The following CTNNA2 variants were observed in gnomAD, a reference collection of about 807,000 sequenced individuals.
CTNNA2 encodes catenin alpha-2.
Under a neutral mutation model 101.0 loss-of-function variants are expected in CTNNA2, and 42 were observed. The ratio of observed to expected loss-of-function variants is 0.42; its 90% CI spans 0.32 to 0.54. The LOEUF (loss-of-function observed/expected upper bound fraction) is 0.54, where lower values mean the gene tolerates loss of function less well. CTNNA2 is among the 20% of genes least tolerant of loss of function. The pLI is 0.14. For missense variants in CTNNA2, 871 were observed against 1,223.1 expected, an observed-to-expected ratio of 0.71 and a Z score of 4.29; for synonymous variants, 450 against 456.4, an observed-to-expected ratio of 0.99 and a Z score of 0.18.
At chr2:80,345,291 C>A (rs1238089497) in intron 7 of CTNNA2, among the ~76,000 whole-genome samples, 1 of 152,176 alleles carries the variant, frequency 6.6e-6, no homozygotes, top group African/African-American at 2.4e-5. Context: ...CCATTCTCAG[C>A]AATGTTCCTG....
chr2:79,730,425 A>G (rs186169382), intron 2 of CTNNA2, among the ~76,000 whole-genome samples: 1 of 152,146 alleles, frequency 6.6e-6, no homozygotes, highest in African/African-American at 2.4e-5. Context: ...TTTTTGGAAA[A>G]AACTGTTTTT....
intron 7 of CTNNA2, among the ~76,000 whole-genome samples, chr2:80,326,228 C>T (rs1286170603): frequency 6.6e-6 from 1 of 152,100 alleles, no homozygotes; most frequent in Non-Finnish European, 1.5e-5. Context: ...TTTACTACCT[C>T]TATATATTTT....
At chr2:80,349,505 C>T (rs1673085946) in intron 7 of CTNNA2, among the ~76,000 whole-genome samples, 1 of 152,098 alleles carries the variant, frequency 6.6e-6, no homozygotes, top group African/African-American at 2.4e-5. Flanking sequence ...TTTCCTGTTA[C>T]AATCACCATG....
chr2:79,661,517 C>G (rs1034724936), intron 2 of CTNNA2, among the ~76,000 whole-genome samples: 2 of 152,168 alleles, frequency 1.3e-5, no homozygotes, highest in Non-Finnish European at 2.9e-5. Flanking sequence ...GGGTTTCCCC[C>G]ACAAGATACT....
At chr2:80,333,222 C>T (rs549979912) in intron 7 of CTNNA2, among the ~76,000 whole-genome samples, 2 of 152,214 alleles carry the variant, frequency 1.3e-5, no homozygotes, top group African/African-American at 4.8e-5. Context: ...ACCTTTCCAC[C>T]GGTCTGTCTA....
intron 9 of CTNNA2, among the ~76,000 whole-genome samples, chr2:80,458,975 A>C (rs985505886): frequency 3.9e-5 from 6 of 152,136 alleles, no homozygotes; most frequent in South Asian, 4.1e-4. Context: ...ATTTTATACC[A>C]TATTTTTACT....
chr2:79,404,582 A>T (rs9679249), intron 4 of CTNNA2, among the ~76,000 whole-genome samples: 119,462 of 151,964 alleles, frequency 0.79, 47,127 homozygotes, highest in East Asian at 0.93. Flanking sequence ...ACAACACAAC[A>T]TGCAGGGCAA....
intron 2 of CTNNA2, among the ~76,000 whole-genome samples, chr2:79,241,889 C>A (rs1248302112): frequency 4.1e-5 from 2 of 49,068 alleles, no homozygotes; most frequent in African/African-American, 1.2e-4. Context: ...TGGGTATTTT[C>A]TTTTCTTTTC....
chr2:79,766,082 ATAT>A (rs1673131522), intron 3 of CTNNA2, among the ~76,000 whole-genome samples: 1 of 152,154 alleles, frequency 6.6e-6, no homozygotes, highest in African/African-American at 2.4e-5. Context: ...CAGTGTTATA[ATAT>A]TCTGTGTTTC....
intron 4 of CTNNA2, among the ~76,000 whole-genome samples, chr2:79,868,774 G>A (rs767388308): frequency 1.3e-5 from 2 of 152,072 alleles, no homozygotes; most frequent in Admixed American, 6.6e-5. Context: ...GGAACTAGTC[G>A]GGGGCCTCTG....
chr2:80,639,152 A>G (rs1313068459), intron 18 of CTNNA2, among the ~76,000 whole-genome samples: 4 of 152,236 alleles, frequency 2.6e-5, no homozygotes, highest in East Asian at 3.8e-4. Flanking sequence ...TTTAGGAGTT[A>G]TCGCACAGAA....
chr2:79,293,029 T>TTTCATC (rs1675867320), intron 2 of CTNNA2: 1 of 152,260 alleles, frequency 6.6e-6, no homozygotes, highest in Non-Finnish European at 1.5e-5. Flanking sequence ...TTTGTCACAT[T>TTTCATC]TTCATCTCTT....
chr2:79,487,149 A>G (rs1671166392), intron 4 of CTNNA2, among the ~76,000 whole-genome samples: 1 of 152,222 alleles, frequency 6.6e-6, no homozygotes, highest in South Asian at 2.1e-4. Flanking sequence ...TGGAAATTTC[A>G]TGTTTTCATT....
intron 2 of CTNNA2, among the ~76,000 whole-genome samples, chr2:79,736,976 T>C (rs1047030542): frequency 2.0e-5 from 3 of 152,134 alleles, no homozygotes; most frequent in African/African-American, 7.2e-5. Flanking sequence ...CAAAAGACGG[T>C]GAATTGATTC....
At chr2:80,423,515 A>G (rs1680717907) in intron 9 of CTNNA2, among the ~76,000 whole-genome samples, 1 of 152,154 alleles carries the variant, frequency 6.6e-6, no homozygotes, top group Non-Finnish European at 1.5e-5. Flanking sequence ...CTCCTTTAAA[A>G]AAATATTAAT....
intron 2 of CTNNA2, among the ~76,000 whole-genome samples, chr2:79,743,528 T>A (rs1671437379): frequency 6.8e-6 from 1 of 147,284 alleles, no homozygotes; most frequent in South Asian, 2.1e-4. Context: ...ATTTTATTTA[T>A]TTTATTTATT....
chr2:79,465,943 C>T (rs1270965880), intron 4 of CTNNA2, among the ~76,000 whole-genome samples: 1 of 152,188 alleles, frequency 6.6e-6, no homozygotes, highest in East Asian at 1.9e-4. Flanking sequence ...CTCCAGTCTA[C>T]AGCTCCCAGC....
At chr2:80,496,307 A>G (rs1262992461) in intron 9 of CTNNA2, among the ~76,000 whole-genome samples, 1 of 152,128 alleles carries the variant, frequency 6.6e-6, no homozygotes, top group Non-Finnish European at 1.5e-5. Context: ...GCATTGTTCT[A>G]AATGTGAAGA....
intron 7 of CTNNA2, among the ~76,000 whole-genome samples, chr2:79,996,328 T>C (rs1692543446): frequency 1.3e-5 from 2 of 152,184 alleles, no homozygotes; most frequent in Admixed American, 6.5e-5. Flanking sequence ...TGCAAATTGC[T>C]GCTTGATATT....
Sources: gnomAD v4.1 joint callset for allele counts (sites outside exome capture counted in the v4.1 genomes callset) on GRCh38, gnomAD v4.1.1 for gene constraint, MANE v1.5 for transcripts, NCBI Gene and HGNC (gene_info 2026-07-23, HGNC 2026-07-21) for gene names.